LRRTM3: variants seen among roughly 807,000 people sequenced by gnomAD.
LRRTM3 encodes leucine-rich repeat transmembrane neuronal protein 3.
In LRRTM3, 24 loss-of-function variants were observed where a neutral mutation model predicts 44.7. That is an observed-to-expected ratio of 0.54 (90% CI 0.39 to 0.76). The LOEUF is 0.76. LRRTM3 is among the 30% of genes least tolerant of loss of function. The pLI is 0.00. For missense variants in LRRTM3, 587 were observed against 702.2 expected (o/e 0.84, Z 1.85); for synonymous variants, 277 against 278.7 (o/e 0.99, Z 0.06).
chr10:67,049,529 C>T (rs1854954787), intron 2 of LRRTM3, among the ~76,000 whole-genome samples: 1 of 152,074 alleles, frequency 6.6e-6, no homozygotes, highest in Admixed American at 6.6e-5. Context: ...ATAATTAATT[C>T]CACCAAGGTT....
intron 2 of LRRTM3, among the ~76,000 whole-genome samples, chr10:67,061,293 A>C (rs1336771067): frequency 6.6e-6 from 1 of 152,196 alleles, no homozygotes; most frequent in Non-Finnish European, 1.5e-5. Context: ...TGCCTCCCTA[A>C]GAAGTTACAT....
At chr10:67,031,058 A>G (rs1853696714) in intron 2 of LRRTM3, among the ~76,000 whole-genome samples, 2 of 152,300 alleles carry the variant, frequency 1.3e-5, no homozygotes, top group South Asian at 4.1e-4. Flanking sequence ...CAGCCTCTGA[A>G]CACACATTTT....
intron 2 of LRRTM3, among the ~76,000 whole-genome samples, chr10:67,036,768 C>CA (rs1854089886): frequency 2.0e-5 from 3 of 152,050 alleles, no homozygotes; most frequent in African/African-American, 7.2e-5. Flanking sequence ...TCTAGAGATA[C>CA]AACAGTGAGC....
At chr10:66,959,575 A>G (rs910143366) in intron 2 of LRRTM3, among the ~76,000 whole-genome samples, 2 of 152,124 alleles carry the variant, frequency 1.3e-5, no homozygotes, top group Non-Finnish European at 2.9e-5. Flanking sequence ...TCTCTGGGAA[A>G]TCTGGAAAAT....
Position 67,057,948 on chromosome 10 carries a change from T to C in LRRTM3, c.1537-39639T>C, listed in dbSNP as rs1855537898. Among the ~76,000 whole-genome samples the C allele has an allele frequency of 2.6e-5, 4 of 152,166 alleles. No individual in the cohort carries two copies. In the South Asian group the frequency reaches 8.3e-4, roughly 31 times the overall value. On this transcript the variant is annotated intron_variant, in intron 2 of 2. Coordinates refer to ENST00000361320, the MANE Select transcript of LRRTM3 (RefSeq NM_178011.5). ...TCTCAAGGATATCACTTTGCAGAAGTGATTTCCTATAATTCCAGAATGATA... is the reference window on the plus strand; with the variant it reads ...TCTCAAGGATATCACTTTGCAGAAGCGATTTCCTATAATTCCAGAATGATA...
At chr10:66,964,094 C>T (rs1217465614) in intron 2 of LRRTM3, among the ~76,000 whole-genome samples, 1 of 151,984 alleles carries the variant, frequency 6.6e-6, no homozygotes, top group Non-Finnish European at 1.5e-5. Context: ...TCGTGATCTG[C>T]CTGCCTCAGC....
chr10:67,029,581 G>A (rs1231805429), intron 2 of LRRTM3, among the ~76,000 whole-genome samples: 1 of 152,254 alleles, frequency 6.6e-6, no homozygotes, highest in African/African-American at 2.4e-5. Flanking sequence ...TTTTAACATT[G>A]TATTATTTAA....
intron 2 of LRRTM3, among the ~76,000 whole-genome samples, chr10:67,044,796 T>A (rs576031248): frequency 6.6e-6 from 1 of 152,222 alleles, no homozygotes; most frequent in Non-Finnish European, 1.5e-5. Context: ...GGAAAGATCA[T>A]GGTCTTTGGA....
chr10:66,985,559 C>T (rs141009068), intron 2 of LRRTM3, among the ~76,000 whole-genome samples: 4 of 152,130 alleles, frequency 2.6e-5, no homozygotes, highest in Admixed American at 2.6e-4. Context: ...AACCAGAGGC[C>T]AGAAGTAAGG....
chr10:67,007,546 T>G (rs2133020535), intron 2 of LRRTM3, among the ~76,000 whole-genome samples: 1 of 152,166 alleles, frequency 6.6e-6, no homozygotes, highest in South Asian at 2.1e-4. Flanking sequence ...TAGGTCAAAC[T>G]TGGAATCTAA....
intron 2 of LRRTM3, among the ~76,000 whole-genome samples, chr10:67,058,021 T>C (rs143570803): frequency 6.6e-6 from 1 of 152,270 alleles, no homozygotes; most frequent in East Asian, 1.9e-4. Context: ...CCCCACATCA[T>C]AGACACACCT....
At chr10:67,035,586 T>A (rs762479735) in intron 2 of LRRTM3, among the ~76,000 whole-genome samples, 9 of 152,166 alleles carry the variant, frequency 5.9e-5, no homozygotes, top group Admixed American at 2.0e-4. Context: ...CCAAAAACCC[T>A]ATCAGAAGCT....
At chr10:67,070,855 T>C (rs570616172) in intron 2 of LRRTM3, among the ~76,000 whole-genome samples, 4 of 152,216 alleles carry the variant, frequency 2.6e-5, no homozygotes, top group South Asian at 2.1e-4. Context: ...CTGTTTACTA[T>C]ATTCTTTTTT....
In LRRTM3 at chr10:66,985,864, A is replaced by T. The variant is rs1328590475; in HGVS notation, c.1536+57412A>T. On this transcript the variant is annotated intron_variant, in intron 2 of 2. Coordinates refer to ENST00000361320, the MANE Select transcript of LRRTM3 (RefSeq NM_178011.5). ...TGCCTCAGCCTCCCAAGTAACTGGGATTACAGGTGCTCGCCACCACACCCA... is the reference window on the plus strand; with the variant it reads ...TGCCTCAGCCTCCCAAGTAACTGGGTTTACAGGTGCTCGCCACCACACCCA... 2.6e-5 allele frequency among the ~76,000 whole-genome samples: 4 copies of T among 152,106 alleles called. No homozygotes were observed. In the East Asian group the frequency reaches 7.8e-4, roughly 30 times the overall value.
intron 2 of LRRTM3, among the ~76,000 whole-genome samples, chr10:67,074,512 G>T (rs555382142): frequency 6.6e-6 from 1 of 151,506 alleles, no homozygotes; most frequent in East Asian, 2.0e-4. Context: ...CACCACGCCC[G>T]GCTAATTTTC....
At chr10:66,999,310 G>A (rs374177996) in intron 2 of LRRTM3, among the ~76,000 whole-genome samples, 3 of 152,006 alleles carry the variant, frequency 2.0e-5, no homozygotes, top group Non-Finnish European at 2.9e-5. Context: ...TTGCTAAATC[G>A]ACACTGGAAT....
At chr10:67,072,334 C>T (rs1234735438) in intron 2 of LRRTM3, among the ~76,000 whole-genome samples, 1 of 152,092 alleles carries the variant, frequency 6.6e-6, no homozygotes, top group Non-Finnish European at 1.5e-5. Flanking sequence ...CTTTTAAGTC[C>T]TTGCCAGTTA....
At chr10:66,983,141 G>A (rs775150434) in intron 2 of LRRTM3, among the ~76,000 whole-genome samples, 3 of 152,138 alleles carry the variant, frequency 2.0e-5, no homozygotes, top group Non-Finnish European at 4.4e-5. Flanking sequence ...AAAAACTAAT[G>A]AGCAAATTTT....
At chr10:67,079,993 GT>G (rs1289150990) in intron 2 of LRRTM3, among the ~76,000 whole-genome samples, 29 of 152,048 alleles carry the variant, frequency 1.9e-4, no homozygotes, top group African/African-American at 6.7e-4. Context: ...GAGGAGGGTG[GT>G]TGTACAAGGT....
Sources: allele counts gnomAD v4.1 joint callset (sites outside exome capture counted in the v4.1 genomes callset), GRCh38; gene constraint gnomAD v4.1.1; transcripts MANE v1.5; gene names NCBI Gene and HGNC (gene_info 2026-07-23, HGNC 2026-07-21).